The following LRRC69 variants were observed in gnomAD, a reference collection of about 807,000 sequenced individuals.
LRRC69 encodes the protein leucine-rich repeat-containing protein 69.
LRRC69 carries 42 observed loss-of-function variants against 37.8 expected under a neutral mutation model. That is an observed-to-expected ratio of 1.11 (90% CI 0.87 to 1.44). The LOEUF (loss-of-function observed/expected upper bound fraction) is 1.44, where lower values mean the gene tolerates loss of function less well. LRRC69 is among the 40% of genes most tolerant of loss of function. LRRC69 has a pLI of 0.00. For synonymous variants in LRRC69, 141 were observed against 143.1 expected (o/e 0.99, Z 0.11); for missense variants, 357 against 401.9 (o/e 0.89, Z 0.96).
chr8:91,171,024 G>T (rs1809118026), intron 5 of LRRC69, among the ~76,000 whole-genome samples: 1 of 149,900 alleles, frequency 6.7e-6, no homozygotes, highest in East Asian at 2.0e-4. Context: ...CTAATATCCA[G>T]AATCTACAAT....
chr8:91,144,068 G>A (rs1232689097), intron 5 of LRRC69, among the ~76,000 whole-genome samples: 1 of 151,940 alleles, frequency 6.6e-6, no homozygotes, highest in African/African-American at 2.4e-5. Context: ...AATTAAATGA[G>A]ATAATGTATA....
At chr8:91,218,945 C>T in exon 8 of LRRC69, 1 of 1,550,964 alleles carries the variant, frequency 6.4e-7, no homozygotes, top group East Asian at 2.4e-5. Context: ...TTAATTTGTT[C>T]TTACAAATGT....
intron 7 of LRRC69, among the ~76,000 whole-genome samples, chr8:91,218,410 C>T (rs371783649): frequency 6.6e-6 from 1 of 152,072 alleles, no homozygotes; most frequent in African/African-American, 2.4e-5. Context: ...GCCTGAGACC[C>T]AGCCAGTGAA....
chr8:91,191,372 A>G (rs938995720), intron 6 of LRRC69, among the ~76,000 whole-genome samples: 2 of 152,194 alleles, frequency 1.3e-5, no homozygotes, highest in African/African-American at 4.8e-5. Flanking sequence ...GTATAATAAT[A>G]GCAGCTAACA....
intron 5 of LRRC69, among the ~76,000 whole-genome samples, chr8:91,173,118 G>A (rs11992004): frequency 1.3e-5 from 2 of 151,558 alleles, no homozygotes; most frequent in Non-Finnish European, 2.9e-5. Flanking sequence ...CTATAGTTGC[G>A]TAGGATGTAG....
intron 3 of LRRC69, among the ~76,000 whole-genome samples, chr8:91,128,181 T>C (rs73697112): frequency 0.03 from 4,511 of 152,096 alleles, 218 homozygotes; most frequent in African/African-American, 0.1. Flanking sequence ...AGGGCATATC[T>C]CTGTGCAACT....
chr8:91,138,513 G>A (rs866858833), intron 5 of LRRC69, among the ~76,000 whole-genome samples: 8 of 149,674 alleles, frequency 5.3e-5, no homozygotes, highest in African/African-American at 2.0e-4. Context: ...AATAAATTTG[G>A]TGTGCAATTT....
intron 1 of LRRC69, among the ~76,000 whole-genome samples, chr8:91,123,751 T>A (rs1051260719): frequency 2.0e-5 from 3 of 151,984 alleles, no homozygotes; most frequent in East Asian, 1.9e-4. Context: ...AAAGTATAAT[T>A]AGATTTTACA....
At chr8:91,180,237 T>A (rs1011002074) in intron 5 of LRRC69, among the ~76,000 whole-genome samples, 1 of 152,186 alleles carries the variant, frequency 6.6e-6, no homozygotes, top group Non-Finnish European at 1.5e-5. Flanking sequence ...TGTAATCAAG[T>A]TGTCAGCTGG....
intron 7 of LRRC69, among the ~76,000 whole-genome samples, chr8:91,207,199 C>T (rs1183294530): frequency 6.6e-6 from 1 of 152,170 alleles, no homozygotes; most frequent in Non-Finnish European, 1.5e-5. Flanking sequence ...AGCCCTACCA[C>T]TTGCCACCTG....
At chr8:91,175,481 A>G (rs1157567640) in intron 5 of LRRC69, among the ~76,000 whole-genome samples, 5 of 152,234 alleles carry the variant, frequency 3.3e-5, no homozygotes, top group Admixed American at 6.5e-5. Context: ...AATTATTTCC[A>G]TATTTCTTGG....
At chr8:91,159,586 G>T (rs1429909310) in intron 5 of LRRC69, among the ~76,000 whole-genome samples, 1 of 150,996 alleles carries the variant, frequency 6.6e-6, no homozygotes, top group Non-Finnish European at 1.5e-5. Context: ...CAAAAAAATG[G>T]GAACAAGGCT....
intron 2 of LRRC69, among the ~76,000 whole-genome samples, 177 bp from the exon 3 acceptor site, chr8:91,126,909 CTT>C (rs1281739474): frequency 6.6e-6 from 1 of 151,944 alleles, no homozygotes; most frequent in East Asian, 1.9e-4. Flanking sequence ...AGATTTGTAA[CTT>C]TGTGATAAAT....
At chr8:91,116,119 ATATG>A (rs1344680898) in intron 1 of LRRC69, among the ~76,000 whole-genome samples, 2 of 152,026 alleles carry the variant, frequency 1.3e-5, no homozygotes, top group Non-Finnish European at 2.9e-5. Flanking sequence ...TAAAGTGTCA[ATATG>A]TATGTATGTG....
chr8:91,173,913 A>T (rs1809177037), intron 5 of LRRC69, among the ~76,000 whole-genome samples: 2 of 151,896 alleles, frequency 1.3e-5, no homozygotes, highest in African/African-American at 4.9e-5. Flanking sequence ...GGACACAAAC[A>T]TTCAGACCAT....
intron 7 of LRRC69, among the ~76,000 whole-genome samples, chr8:91,204,596 T>C (rs548040467): frequency 1.3e-5 from 2 of 152,358 alleles, no homozygotes; most frequent in African/African-American, 4.8e-5. Flanking sequence ...TGCATACAAG[T>C]ATGCTATGTT....
intron 5 of LRRC69, chr8:91,158,535 C>G: frequency 8.8e-7 from 1 of 1,133,062 alleles, no homozygotes; most frequent in South Asian, 1.2e-5. Flanking sequence ...AATAGACTTA[C>G]ACACTGTACA....
intron 6 of LRRC69, among the ~76,000 whole-genome samples, chr8:91,190,617 A>C (rs1809477774): frequency 1.3e-5 from 2 of 152,328 alleles, no homozygotes; most frequent in South Asian, 4.1e-4. Context: ...TCAGTAAAAC[A>C]AAACAAAATA....
chr8:91,204,401 G>A (rs1221636687), intron 7 of LRRC69, among the ~76,000 whole-genome samples: 1 of 152,354 alleles, frequency 6.6e-6, no homozygotes, highest in Non-Finnish European at 1.5e-5. Context: ...AGGTGTTGGT[G>A]AAGGAGTAAA....
Sources: allele counts gnomAD v4.1 joint callset (sites outside exome capture counted in the v4.1 genomes callset), GRCh38; gene constraint gnomAD v4.1.1; transcripts MANE v1.5; gene names NCBI Gene and HGNC (gene_info 2026-07-23, HGNC 2026-07-21).